Variants in KANK1 observed in about 807,000 individuals in gnomAD.
The protein encoded by KANK1 is KN motif and ankyrin repeat domains 1.
In KANK1, 109 loss-of-function variants were observed where a neutral mutation model predicts 106.2. The observed-to-expected ratio is 1.03, with a 90% CI of 0.88 to 1.20. KANK1 has a LOEUF of 1.20. KANK1 is among the 50% of genes most tolerant of loss of function. KANK1 has a pLI of 0.00. For synonymous variants in KANK1, 873 were observed against 652.2 expected (o/e 1.34, Z -5.16); for missense variants, 2,399 against 1,710.7 (o/e 1.40, Z -7.10).
chr9:543,931 T>C (rs1419162767), intron 1 of KANK1, among the ~76,000 whole-genome samples: 2 of 152,222 alleles, frequency 1.3e-5, no homozygotes, highest in African/African-American at 2.4e-5. Context: ...TCTCAGTTTT[T>C]TGTTTCCTAC....
chr9:506,097 C>T (rs1457380218), intron 1 of KANK1, among the ~76,000 whole-genome samples: 21 of 152,148 alleles, frequency 1.4e-4, no homozygotes, highest in Admixed American at 1.4e-3. Flanking sequence ...GTTATGAAAT[C>T]ATCACTACCA....
chr9:568,549 G>T (rs372466603), intron 1 of KANK1, among the ~76,000 whole-genome samples: 1 of 152,120 alleles, frequency 6.6e-6, no homozygotes, highest in African/African-American at 2.4e-5. Flanking sequence ...GAGTGCAGTG[G>T]TGCAGTCATG....
intron 1 of KANK1, among the ~76,000 whole-genome samples, chr9:505,022 C>G (rs2058680347): frequency 6.6e-6 from 1 of 151,602 alleles, no homozygotes; most frequent in Admixed American, 6.6e-5. Context: ...CGCTCTGCAG[C>G]GGCGGCGCTC....
intron 3 of KANK1, among the ~76,000 whole-genome samples, chr9:715,479 C>T (rs1481467156): frequency 6.6e-6 from 1 of 152,204 alleles, no homozygotes; most frequent in East Asian, 1.9e-4. Flanking sequence ...TCAGCTGTAA[C>T]CCTGAAGTAA....
At chr9:516,559 G>A (rs1245511624) in intron 1 of KANK1, among the ~76,000 whole-genome samples, 1 of 151,572 alleles carries the variant, frequency 6.6e-6, no homozygotes, top group Non-Finnish European at 1.5e-5. Flanking sequence ...GGAGGGAAGG[G>A]GAGCGGTTTT....
chr9:603,485 T>A (rs1828291020), intron 1 of KANK1, among the ~76,000 whole-genome samples: 1 of 151,882 alleles, frequency 6.6e-6, no homozygotes, highest in Admixed American at 6.5e-5. Flanking sequence ...ATATTCTTGG[T>A]GCCTTTAGAC....
chr9:554,882 G>A (rs552187524), intron 1 of KANK1, among the ~76,000 whole-genome samples: 2 of 152,270 alleles, frequency 1.3e-5, no homozygotes, highest in East Asian at 3.9e-4. Context: ...GGTTATCTTG[G>A]GGTAAACACT....
chr9:567,178 C>T (rs1471234338), intron 1 of KANK1, among the ~76,000 whole-genome samples: 1 of 152,084 alleles, frequency 6.6e-6, no homozygotes, highest in Non-Finnish European at 1.5e-5. Flanking sequence ...TTTCTGGGTT[C>T]TCTCGTCTGT....
chr9:729,974 G>A, intron 3 of KANK1, 77 bp from the exon 4 acceptor site: 1 of 1,251,504 alleles, frequency 8.0e-7, no homozygotes, highest in East Asian at 2.4e-5. Flanking sequence ...AATTATGAGT[G>A]GCAAGAATTG....
At chr9:665,870 C>G (rs1364066131) in intron 1 of KANK1, among the ~76,000 whole-genome samples, 1 of 152,058 alleles carries the variant, frequency 6.6e-6, no homozygotes, top group Non-Finnish European at 1.5e-5. Context: ...AAAGATCTTT[C>G]ACAGCTTTGG....
chr9:628,380 A>G (rs1834860745), intron 1 of KANK1, among the ~76,000 whole-genome samples: 1 of 151,694 alleles, frequency 6.6e-6, no homozygotes, highest in Non-Finnish European at 1.5e-5. Flanking sequence ...CCAAATCCTG[A>G]ATAACTCCTG....
At chr9:659,943 C>G (rs1460371447) in intron 1 of KANK1, 1 of 172,658 alleles carries the variant, frequency 5.8e-6, no homozygotes, top group African/African-American at 2.4e-5. Flanking sequence ...TCTCCCGCCA[C>G]CGCCCGCTTT....
chr9:515,369 C>G (rs2059236841), intron 1 of KANK1, among the ~76,000 whole-genome samples: 2 of 150,968 alleles, frequency 1.3e-5, no homozygotes, highest in East Asian at 1.9e-4. Flanking sequence ...GAAAAAAAAG[C>G]CAGTTAAAGA....
chr9:725,083 C>G (rs186250775), intron 3 of KANK1, among the ~76,000 whole-genome samples: 51 of 152,238 alleles, frequency 3.4e-4, no homozygotes, highest in Admixed American at 1.2e-3. Context: ...GTAAAGGAAT[C>G]GTCCAGGTAG....
chr9:530,295 C>T (rs2059998612), intron 1 of KANK1, among the ~76,000 whole-genome samples: 1 of 152,060 alleles, frequency 6.6e-6, no homozygotes, highest in Non-Finnish European at 1.5e-5. Context: ...AAGGCGTTCC[C>T]CATCTTAAAA....
At chr9:650,670 T>G (rs1286613355) in intron 1 of KANK1, among the ~76,000 whole-genome samples, 1 of 152,104 alleles carries the variant, frequency 6.6e-6, no homozygotes, top group Non-Finnish European at 1.5e-5. Flanking sequence ...GGAGCTGTGT[T>G]TTAGCTAGAG....
chr9:483,777 G>A (rs949193099), intron 3 of KANK1, among the ~76,000 whole-genome samples: 3 of 152,106 alleles, frequency 2.0e-5, no homozygotes, highest in African/African-American at 7.2e-5. Flanking sequence ...GGAGAGGGCT[G>A]GACAGGCACT....
intron 2 of KANK1, among the ~76,000 whole-genome samples, chr9:696,698 T>C (rs1821398634): frequency 1.3e-5 from 2 of 152,156 alleles, no homozygotes; most frequent in Non-Finnish European, 2.9e-5. Context: ...GCTTTTAGGC[T>C]TTCTTCTTTA....
intron 1 of KANK1, among the ~76,000 whole-genome samples, chr9:578,007 GCCT>G (rs1283152295): frequency 6.6e-6 from 1 of 152,036 alleles, no homozygotes; most frequent in Non-Finnish European, 1.5e-5. Context: ...CAGCTAGGAG[GCCT>G]CCTTTCACCT....
Sources: allele counts gnomAD v4.1 joint callset (sites outside exome capture counted in the v4.1 genomes callset), GRCh38; gene constraint gnomAD v4.1.1; transcripts MANE v1.5; gene names NCBI Gene and HGNC (gene_info 2026-07-23, HGNC 2026-07-21).